The following LGALS14 variants were observed in gnomAD, a reference collection of about 807,000 sequenced individuals.
LGALS14 encodes galectin 14.
LGALS14 carries 14 observed loss-of-function variants against 14.6 expected under a neutral mutation model. That is an observed-to-expected ratio of 0.96 (90% CI 0.64 to 1.50). The LOEUF is 1.50. Ranked by LOEUF, LGALS14 falls within the 40% of genes most tolerant of loss-of-function variation. The pLI is 0.00. For synonymous variants in LGALS14, 57 were observed against 63.9 expected, an observed-to-expected ratio of 0.89 and a Z score of 0.51; for missense variants, 180 against 172.0, an observed-to-expected ratio of 1.05 and a Z score of -0.26.
chr19:39,709,227 T>A lies in LGALS14; in HGVS notation c.334T>A (p.Phe112Ile). ...GGTAAATGGCCAACGCATTTACAAC[T>A]TTGCCCATCGATTCCCGCCAGCATC... Reference protein sequence around the residue: ...VMVNGQRIYNFAHRFPPASVK... With the variant: ...VMVNGQRIYNIAHRFPPASVK... Residue 112 changes from phenylalanine (F) to isoleucine (I), a missense_variant, in exon 4 of 4, where the codon TTT becomes ATT. Transcript: ENST00000392052. 1.2e-6 allele frequency: 2 copies of A among 1,613,366 alleles called. No individual in the cohort carries two copies. Among genetic ancestry groups the A allele is most frequent in the African/African-American group, 1.3e-5 (1 of 75,016 alleles).
chr19:39,709,306 G>A lies in LGALS14; in HGVS notation c.413G>A (p.Ser138Asn), dbSNP rs528408473. 1.3e-6 allele frequency: 2 copies of A among 1,544,204 alleles called. No individual in the cohort carries two copies. The highest frequency in any genetic ancestry group is 3.3e-5 in the Admixed American group (2 of 59,926). The change falls in exon 4 of 4, where the codon AGC becomes AAC. Residue 138 changes from serine to asparagine, a missense_variant. By Grantham distance (46) the Ser-to-Asn change is conservative. Coordinates refer to ENST00000392052, the MANE Select transcript of LGALS14 (RefSeq NM_020129.3). ...ATCTCCCTGACCAGAGTGCTTATCA[G>A]CGATTGAGGGAGATGATCAGACTCC... ...RDISLTRVLI[S>N]D
chr19:39,709,145 G>A, intron 3 of LGALS14, 52 bp from the exon 4 acceptor site: 1 of 1,162,354 alleles, frequency 8.6e-7, no homozygotes, highest in South Asian at 1.2e-5. Context: ...AGAAAGGGCT[G>A]AAAACCTGTT....
chr19:39,707,077 T>A (rs1973725020), intron 2 of LGALS14, 101 bp from the exon 3 acceptor site: 3 of 921,462 alleles, frequency 3.3e-6, no homozygotes, highest in Non-Finnish European at 1.7e-6. Context: ...TCGGGGAGAC[T>A]TTTTGCCCTG....
Sources: gnomAD v4.1 joint callset for allele counts on GRCh38, gnomAD v4.1.1 for gene constraint, MANE v1.5 for transcripts, NCBI Gene and HGNC (gene_info 2026-07-23, HGNC 2026-07-21) for gene names.